Variants in SLC5A4 observed in about 807,000 individuals in gnomAD.
The protein encoded by SLC5A4 is solute carrier family 5 member 4.
A neutral mutation model predicts 70.3 loss-of-function variants in SLC5A4; 55 were observed. The ratio of observed to expected loss-of-function variants is 0.78; its 90% CI spans 0.63 to 0.98. The LOEUF (loss-of-function observed/expected upper bound fraction) is 0.98. Among genes scored for constraint, SLC5A4 ranks in the 50% least tolerant of loss-of-function variants. SLC5A4 has a pLI of 0.00. For synonymous variants in SLC5A4, 268 were observed against 305.7 expected, an observed-to-expected ratio of 0.88 and a Z score of 1.29; for missense variants, 735 against 839.2, an observed-to-expected ratio of 0.88 and a Z score of 1.53.
intron 4 of SLC5A4, among the ~76,000 whole-genome samples, chr22:32,248,293 G>A (rs957400074): frequency 5.3e-5 from 8 of 152,156 alleles, no homozygotes; most frequent in African/African-American, 1.7e-4. Context: ...AATAAGCATA[G>A]AAACTGATCC....
At position 32,225,698 on chromosome 22, in the gene SLC5A4, G is replaced by A; in HGVS notation, c.1406C>T (p.Ala469Val). ...ACAGAAGATGGCAAGCACAAAGACA[G>A]CTGCAATTGGAGGCCCAAGGTAGCT... ...ISSYLGPPIAAVFVLAIFCKR... is the reference protein window; with the variant it reads ...ISSYLGPPIAVVFVLAIFCKR... The change falls in exon 12 of 15, where the codon GCT becomes GTT. Residue 469 changes from alanine to valine, a missense_variant. Coordinates refer to ENST00000266086, the MANE Select transcript of SLC5A4 (RefSeq NM_014227.3). 6.2e-7 allele frequency: 1 copy of A among 1,613,232 alleles called. No homozygotes were observed. Among genetic ancestry groups the A allele is most frequent in the South Asian group, 1.1e-5 (1 of 90,928 alleles).
At chr22:32,231,910 G>C (rs1322387249) in intron 9 of SLC5A4, among the ~76,000 whole-genome samples, 1 of 151,658 alleles carries the variant, frequency 6.6e-6, no homozygotes, top group Non-Finnish European at 1.5e-5. Context: ...TAAGAGACGG[G>C]GTCTCTGTCA....
chr22:32,291,546 T>A, the SLC5A4 span, among the ~76,000 whole-genome samples: 1 of 152,192 alleles, frequency 6.6e-6, no homozygotes, highest in Non-Finnish European at 1.5e-5. Context: ...GTGTATCAAC[T>A]TGGGGAAAAT....
intron 13 of SLC5A4, among the ~76,000 whole-genome samples, chr22:32,222,284 CTTCTT>C (rs1250858305): frequency 1.3e-5 from 2 of 152,198 alleles, no homozygotes; most frequent in African/African-American, 4.8e-5. Flanking sequence ...TAAAAACTCT[CTTCTT>C]GGGAGTCCTT....
At chr22:32,269,627 G>T in the SLC5A4 span, 1 of 605,750 alleles carries the variant, frequency 1.7e-6, no homozygotes, top group Non-Finnish European at 3.2e-6. This position sits in a 1 kb window ranked among gnomAD's most constrained non-coding sequence, Gnocchi z 4.1. Flanking sequence ...CCGTACCCAA[G>T]CCCATAGGTG....
chr22:32,351,733 GC>G, the SLC5A4 span, among the ~76,000 whole-genome samples: 254 of 40,650 alleles, frequency 6.2e-3, 4 homozygotes, highest in African/African-American at 9.6e-3. Flanking sequence ...GAGGGTGGGG[GC>G]GGTGGGGGGA....
upstream of SLC5A4, among the ~76,000 whole-genome samples, chr22:32,255,750 T>C (rs568485318): frequency 1.3e-5 from 2 of 152,266 alleles, no homozygotes; most frequent in Admixed American, 6.5e-5. Context: ...TTCTGACCAA[T>C]GAGCTATATC....
the SLC5A4 span, chr22:32,272,681 C>T: frequency 1.8e-6 from 1 of 545,748 alleles, no homozygotes; most frequent in East Asian, 3.8e-5. Flanking sequence ...GGGGCATGTG[C>T]CTGCTGCGCT....
At chr22:32,326,309 G>A in the SLC5A4 span, among the ~76,000 whole-genome samples, 1 of 148,546 alleles carries the variant, frequency 6.7e-6, no homozygotes, top group Non-Finnish European at 1.5e-5. Flanking sequence ...CTGTCGCCCA[G>A]GCAATGGCAC....
At chr22:32,291,877 TC>T in the SLC5A4 span, among the ~76,000 whole-genome samples, 250 of 39,882 alleles carry the variant, frequency 6.3e-3, no homozygotes, top group Admixed American at 0.041. Context: ...TTCTTTTCTA[TC>T]TTTTTTTTTT....
the SLC5A4 span, among the ~76,000 whole-genome samples, chr22:32,341,715 G>T: frequency 6.6e-6 from 1 of 152,170 alleles, no homozygotes; most frequent in African/African-American, 2.4e-5. Flanking sequence ...CTTATGTTCT[G>T]CCCCTGCCAA....
the SLC5A4 span, among the ~76,000 whole-genome samples, chr22:32,306,666 G>A: frequency 3.9e-5 from 6 of 152,224 alleles, no homozygotes; most frequent in South Asian, 2.1e-4. Flanking sequence ...AACCCCTGCC[G>A]CTGTATGCCC....
chr22:32,336,566 G>A, the SLC5A4 span, among the ~76,000 whole-genome samples: 2 of 152,356 alleles, frequency 1.3e-5, no homozygotes, highest in Non-Finnish European at 2.9e-5. Flanking sequence ...GGTGTGCCAT[G>A]TTGCCTGTTA....
chr22:32,331,109 T>TGGTG, the SLC5A4 span, among the ~76,000 whole-genome samples: 5 of 115,222 alleles, frequency 4.3e-5, 1 homozygote, highest in Non-Finnish European at 7.1e-5. Context: ...TTGGAGGCTC[T>TGGTG]TGTGTGTGTT....
the SLC5A4 span, among the ~76,000 whole-genome samples, chr22:32,290,910 T>A: frequency 6.6e-6 from 1 of 152,196 alleles, no homozygotes; most frequent in Admixed American, 6.5e-5. Context: ...TACTATCACA[T>A]TGGGTCTTAG....
chr22:32,250,156 T>G (rs763048299), intron 3 of SLC5A4, among the ~76,000 whole-genome samples: 1 of 152,040 alleles, frequency 6.6e-6, no homozygotes, highest in Non-Finnish European at 1.5e-5. Context: ...AGAAAAATCT[T>G]AGAGGTGAGC....
the SLC5A4 span, among the ~76,000 whole-genome samples, chr22:32,305,895 A>G: frequency 6.7e-6 from 1 of 148,574 alleles, no homozygotes; most frequent in East Asian, 2.0e-4. Flanking sequence ...GATTCAGGGC[A>G]CTGTCACTCC....
chr22:32,232,071 G>T (rs914091207), intron 9 of SLC5A4, among the ~76,000 whole-genome samples: 3 of 152,096 alleles, frequency 2.0e-5, no homozygotes, highest in Non-Finnish European at 2.9e-5. Context: ...TTAGAGATGG[G>T]ATCTTGCTGT....
chr22:32,272,178 A>T, the SLC5A4 span: 3 of 732,556 alleles, frequency 4.1e-6, no homozygotes, highest in East Asian at 7.7e-5. Context: ...GACCTGCCTC[A>T]TGCAGGAGGA....
Sources: gnomAD v4.1 joint callset for allele counts (sites outside exome capture counted in the v4.1 genomes callset) on GRCh38, gnomAD v4.1.1 for gene constraint, Gnocchi (gnomAD v3.1) non-coding constraint, MANE v1.5 for transcripts, NCBI Gene and HGNC (gene_info 2026-07-23, HGNC 2026-07-21) for gene names.